The following NCAM2 variants were observed in gnomAD, a reference collection of about 807,000 sequenced individuals.
NCAM2 encodes neural cell adhesion molecule 2.
In NCAM2, 30 loss-of-function variants were observed where a neutral mutation model predicts 98.1. The ratio of observed to expected loss-of-function variants is 0.31; its 90% CI spans 0.23 to 0.41. The LOEUF is 0.41. Ranked by LOEUF, NCAM2 falls within the 10% of genes least tolerant of loss-of-function variation. The pLI is 1.00. For missense variants in NCAM2, 867 were observed against 1,005.8 expected (o/e 0.86, Z 1.87); for synonymous variants, 368 against 342.4 (o/e 1.07, Z -0.83).
chr21:21,149,483 T>C (rs1008321507), intron 1 of NCAM2, among the ~76,000 whole-genome samples: 2 of 152,122 alleles, frequency 1.3e-5, no homozygotes, highest in African/African-American at 4.8e-5. Context: ...TGTGCCTTGG[T>C]GGTTTGCTGC....
rs1555889967 is a variant in NCAM2, at chr21:21,411,134, A to ATATACATATATACATATATGTG, written c.1383+674_1383+675insATACATATATACATATATGTGT. On this transcript the variant is annotated intron_variant, in intron 10 of 17. Transcript: ENST00000400546. ...TATGTATATATATATACACATATAT[A>ATATACATATATACATATATGTG]TGTATATATATATACATATATATAT... Among the ~76,000 whole-genome samples the ATATACATATATACATATATGTG allele has an allele frequency of 3.6e-4, 2 of 5,524 alleles. 1 individual carries two copies. The highest frequency in any genetic ancestry group is 7.6e-4 in the Non-Finnish European group (2 of 2,646). 3.6% of individuals were successfully genotyped at this position (5,524 alleles called of 152,430 possible). A position where few individuals can be genotyped will look rare whatever the true frequency, so the allele number is the denominator to read the frequency against.
chr21:21,520,111 T>A (rs1464646668), intron 16 of NCAM2, among the ~76,000 whole-genome samples: 1 of 152,114 alleles, frequency 6.6e-6, no homozygotes, highest in East Asian at 1.9e-4. Context: ...ATCTTTTTAC[T>A]GTTATTTACT....
chr21:21,334,456 A>G (rs375606362), intron 6 of NCAM2, among the ~76,000 whole-genome samples: 1 of 152,150 alleles, frequency 6.6e-6, no homozygotes, highest in African/African-American at 2.4e-5. Context: ...GAAATGTTTG[A>G]TTTTATTTTA....
chr21:21,457,673 T>C (rs1982357566), intron 12 of NCAM2, among the ~76,000 whole-genome samples: 1 of 151,784 alleles, frequency 6.6e-6, no homozygotes, highest in Admixed American at 6.6e-5. Context: ...AGAACTCAGG[T>C]ACACTATGTT....
chr21:21,346,842 C>T (rs1271859353), intron 8 of NCAM2, among the ~76,000 whole-genome samples: 1 of 151,558 alleles, frequency 6.6e-6, no homozygotes, highest in Non-Finnish European at 1.5e-5. Flanking sequence ...AATGGAAGCA[C>T]AAAATACAAA....
intron 5 of NCAM2, among the ~76,000 whole-genome samples, chr21:21,310,587 G>A (rs181755186): frequency 1.9e-3 from 296 of 152,280 alleles, no homozygotes; most frequent in Non-Finnish European, 1.7e-3. Context: ...CTGTTTCAGA[G>A]TATCAGCTTA....
intron 1 of NCAM2, among the ~76,000 whole-genome samples, chr21:21,209,074 G>A (rs753578290): frequency 6.6e-6 from 1 of 152,012 alleles, no homozygotes; most frequent in African/African-American, 2.4e-5. Flanking sequence ...ACTTTAATGT[G>A]ATTGCTTTAT....
intron 1 of NCAM2, among the ~76,000 whole-genome samples, chr21:21,078,821 A>G (rs1181584553): frequency 2.6e-5 from 4 of 152,190 alleles, no homozygotes; most frequent in Admixed American, 6.5e-5. Context: ...TAAAGAAAAT[A>G]TGATACATAT....
chr21:21,180,499 A>G (rs181564913), intron 1 of NCAM2, among the ~76,000 whole-genome samples: 60 of 152,288 alleles, frequency 3.9e-4, no homozygotes, highest in Admixed American at 2.9e-3. Flanking sequence ...AGATGAGATT[A>G]TAGTCAAATA....
At chr21:21,112,709 G>T (rs2066479312) in intron 1 of NCAM2, among the ~76,000 whole-genome samples, 1 of 152,112 alleles carries the variant, frequency 6.6e-6, no homozygotes, top group South Asian at 2.1e-4. Flanking sequence ...ACAAGCAAGT[G>T]GTCAAGCTAA....
chr21:21,214,746 T>TATATATATATATATATATATATAC (rs11268201), intron 1 of NCAM2, among the ~76,000 whole-genome samples: 1,255 of 100,304 alleles, frequency 0.013, 20 homozygotes, highest in African/African-American at 0.024. Flanking sequence ...TATATATATA[T>TATATATATATATATATATATATAC]ACACTATATA....
Position 21,226,945 on chromosome 21 carries a change from G to T in NCAM2, c.56-53633G>T, listed in dbSNP as rs1170171352. 2.0e-5 allele frequency: 3 copies of T among 151,894 alleles called. No individual in the cohort carries two copies. The East Asian group carries it at 5.8e-4, about 29-fold the overall frequency. The allele number at this position is 151,894 out of a possible 1,614,324, so 9.4% of individuals were successfully genotyped here. On this transcript the variant is annotated intron_variant, in intron 1 of 17. Coordinates refer to ENST00000400546, the MANE Select transcript of NCAM2 (RefSeq NM_004540.5). The stretch of plus-strand genomic sequence containing the variant: ...GATTATCGAAGTTGATGGAAGAAGA[G>T]AAAGAATTTAAAACTCATTTATAAT...
At chr21:21,502,512 A>G (rs1987703857) in intron 15 of NCAM2, among the ~76,000 whole-genome samples, 1 of 151,884 alleles carries the variant, frequency 6.6e-6, no homozygotes, top group Non-Finnish European at 1.5e-5. Flanking sequence ...GTTGCAGGGG[A>G]TTTTTTAATC....
intron 11 of NCAM2, among the ~76,000 whole-genome samples, chr21:21,421,386 A>T (rs376739575): frequency 6.6e-6 from 1 of 151,854 alleles, no homozygotes; most frequent in Admixed American, 6.6e-5. Context: ...AATATTGGAA[A>T]TTTTTTGAAT....
At chr21:21,329,266 A>AT (rs931959597) in intron 6 of NCAM2, among the ~76,000 whole-genome samples, 17 of 151,986 alleles carry the variant, frequency 1.1e-4, no homozygotes, top group African/African-American at 2.4e-5. Context: ...TTTATACCAT[A>AT]TTTTTTACTG....
intron 1 of NCAM2, among the ~76,000 whole-genome samples, chr21:21,276,319 A>G (rs1423215478): frequency 1.3e-5 from 2 of 152,108 alleles, no homozygotes; most frequent in African/African-American, 2.4e-5. Context: ...CATATAGTTA[A>G]TAAATACTTA....
intron 1 of NCAM2, among the ~76,000 whole-genome samples, chr21:21,145,514 C>T (rs2067253423): frequency 6.6e-6 from 1 of 152,066 alleles, no homozygotes; most frequent in Admixed American, 6.5e-5. Context: ...TTGATCAAAA[C>T]ATTACAGATA....
intron 1 of NCAM2, among the ~76,000 whole-genome samples, chr21:21,086,830 G>GGTGT (rs143868781): frequency 2.0e-5 from 3 of 150,434 alleles, no homozygotes; most frequent in Non-Finnish European, 4.4e-5. Context: ...TAAATGCAAG[G>GGTGT]GTGTGTGTGT....
chr21:21,479,821 T>C (rs954957739), intron 15 of NCAM2, among the ~76,000 whole-genome samples: 3 of 151,992 alleles, frequency 2.0e-5, no homozygotes, highest in Non-Finnish European at 4.4e-5. Flanking sequence ...TTCTGGTTTA[T>C]ATTCCCAGAT....
Sources: gnomAD v4.1 joint callset for allele counts (sites outside exome capture counted in the v4.1 genomes callset) on GRCh38, gnomAD v4.1.1 for gene constraint, MANE v1.5 for transcripts, NCBI Gene and HGNC (gene_info 2026-07-23, HGNC 2026-07-21) for gene names.